APBB2: variants seen among roughly 807,000 people sequenced by gnomAD.
APBB2 encodes the protein Fe65-like 1.
Under a neutral mutation model 82.5 loss-of-function variants are expected in APBB2, and 38 were observed. That is an observed-to-expected ratio of 0.46 (90% CI 0.36 to 0.60). APBB2 has a LOEUF of 0.60. Ranked by LOEUF, APBB2 falls within the 20% of genes least tolerant of loss-of-function variation. The probability of loss-of-function intolerance (pLI) is 0.00; values close to 1 mark genes in which losing one functional copy is unlikely to be tolerated. For missense variants in APBB2, 772 were observed against 972.3 expected, an observed-to-expected ratio of 0.79 and a Z score of 2.74; for synonymous variants, 341 against 368.2, an observed-to-expected ratio of 0.93 and a Z score of 0.85.
chr4:40,861,117 G>A (rs2154334901), intron 12 of APBB2, among the ~76,000 whole-genome samples: 1 of 152,244 alleles, frequency 6.6e-6, no homozygotes, highest in South Asian at 2.1e-4. Context: ...TTGGGAGGCC[G>A]AGGTGGGCGG....
chr4:40,975,634 T>C (rs1269691618), intron 6 of APBB2, among the ~76,000 whole-genome samples: 1 of 152,136 alleles, frequency 6.6e-6, no homozygotes, highest in Non-Finnish European at 1.5e-5. Flanking sequence ...ATACTCCACA[T>C]GCTTTATCTC....
chr4:41,025,192 G>A (rs1420888612), intron 5 of APBB2, among the ~76,000 whole-genome samples: 2 of 151,802 alleles, frequency 1.3e-5, no homozygotes, highest in African/African-American at 4.8e-5. Context: ...ATTTACAGGA[G>A]AAAAACAAAC....
At chr4:40,941,140 TC>T (rs1268186480) in intron 7 of APBB2, among the ~76,000 whole-genome samples, 22 of 130,606 alleles carry the variant, frequency 1.7e-4, no homozygotes, top group South Asian at 7.1e-4. Context: ...GTTATTTGAT[TC>T]TTTTTTTTTT....
intron 12 of APBB2, among the ~76,000 whole-genome samples, chr4:40,834,326 T>A (rs545441888): frequency 6.6e-6 from 1 of 152,280 alleles, no homozygotes; most frequent in South Asian, 2.1e-4. Context: ...ATGTAACATA[T>A]CCCAAGTCCC....
intron 6 of APBB2, among the ~76,000 whole-genome samples, chr4:40,975,419 C>G (rs941167804): frequency 7.2e-5 from 11 of 152,086 alleles, no homozygotes; most frequent in Admixed American, 6.5e-4. Context: ...CAGTGCTTTT[C>G]TATGTTGAGT....
At chr4:40,855,883 A>G (rs781096446) in intron 12 of APBB2, among the ~76,000 whole-genome samples, 8 of 152,206 alleles carry the variant, frequency 5.3e-5, no homozygotes, top group Non-Finnish European at 7.3e-5. Flanking sequence ...CCTTTTACTT[A>G]TAACTTTTAC....
chr4:40,817,136 GGT>G (rs933454970), intron 17 of APBB2, among the ~76,000 whole-genome samples: 1 of 151,838 alleles, frequency 6.6e-6, no homozygotes, highest in African/African-American at 2.4e-5. Context: ...GGCCAGTCAT[GGT>G]GTTTCACTCC....
chr4:41,030,499 C>T (rs989652913), intron 5 of APBB2, among the ~76,000 whole-genome samples: 3 of 152,244 alleles, frequency 2.0e-5, no homozygotes, highest in South Asian at 2.1e-4. Flanking sequence ...TGGGCTCAAG[C>T]GATCCTCCTG....
At chr4:40,934,569 A>G in intron 9 of APBB2, 45 bp downstream of exon 9, 1 of 1,611,156 alleles carries the variant, frequency 6.2e-7, no homozygotes. Flanking sequence ...AACTATCTGC[A>G]CAAAGCCATA....
At chr4:40,984,495 GGGTCAGGGA>G (rs1021243087) in intron 6 of APBB2, among the ~76,000 whole-genome samples, 68 of 152,258 alleles carry the variant, frequency 4.5e-4, no homozygotes, top group Non-Finnish European at 8.7e-4. Context: ...GAAGGGTGGG[GGGTCAGGGA>G]GGTCAGGGAG....
At chr4:40,889,070 T>C (rs553701889) in intron 12 of APBB2, among the ~76,000 whole-genome samples, 1 of 152,364 alleles carries the variant, frequency 6.6e-6, no homozygotes, top group South Asian at 2.1e-4. Context: ...TGTGCGCACA[T>C]AATCCATCCA....
chr4:41,080,808 T>A (rs1186500870), intron 3 of APBB2, among the ~76,000 whole-genome samples: 2 of 151,238 alleles, frequency 1.3e-5, no homozygotes, highest in African/African-American at 4.8e-5. Context: ...ATTCAAGCAA[T>A]TCTCCTGCCT....
At chr4:41,207,239 T>C (rs1778199821) in intron 1 of APBB2, among the ~76,000 whole-genome samples, 1 of 150,704 alleles carries the variant, frequency 6.6e-6, no homozygotes, top group East Asian at 1.9e-4. Context: ...AATAATTTGT[T>C]GTTATTGTTT....
At chr4:41,167,998 T>C (rs1470533585) in intron 1 of APBB2, among the ~76,000 whole-genome samples, 3 of 152,066 alleles carry the variant, frequency 2.0e-5, no homozygotes, top group Non-Finnish European at 4.4e-5. Flanking sequence ...TGGCTGGGCG[T>C]GGTGGCTCAC....
intron 12 of APBB2, among the ~76,000 whole-genome samples, chr4:40,869,181 T>C (rs889638456): frequency 1.3e-5 from 2 of 152,064 alleles, no homozygotes; most frequent in Non-Finnish European, 2.9e-5. Context: ...GGCACCTGCC[T>C]GTAAACAGAA....
chr4:41,165,365 C>CA (rs1358541813), intron 1 of APBB2, among the ~76,000 whole-genome samples: 6 of 152,178 alleles, frequency 3.9e-5, no homozygotes, highest in Non-Finnish European at 8.8e-5. Context: ...TCAGAGGCCA[C>CA]AGGTAGAAGG....
At chr4:40,888,242 C>T (rs1432257081) in intron 12 of APBB2, among the ~76,000 whole-genome samples, 2 of 152,230 alleles carry the variant, frequency 1.3e-5, no homozygotes, top group African/African-American at 2.4e-5. Flanking sequence ...CCTCACTTCA[C>T]AGATGAGAGA....
intron 1 of APBB2, among the ~76,000 whole-genome samples, chr4:41,157,899 G>T (rs937476644): frequency 6.6e-6 from 1 of 152,178 alleles, no homozygotes; most frequent in Non-Finnish European, 1.5e-5. Context: ...GGCTAAGGCA[G>T]GAGAATCACT....
chr4:41,121,704 G>A (rs1470823797), intron 2 of APBB2, among the ~76,000 whole-genome samples: 1 of 152,060 alleles, frequency 6.6e-6, no homozygotes, highest in Non-Finnish European at 1.5e-5. Flanking sequence ...ATATTCCCTG[G>A]GTCCTGTCAG....
Sources: gnomAD v4.1 joint callset for allele counts (sites outside exome capture counted in the v4.1 genomes callset) on GRCh38, gnomAD v4.1.1 for gene constraint, MANE v1.5 for transcripts, NCBI Gene and HGNC (gene_info 2026-07-23, HGNC 2026-07-21) for gene names.